The following KCTD3 variants were observed in gnomAD, a reference collection of about 807,000 sequenced individuals.
The protein encoded by KCTD3 is BTB/POZ domain-containing protein KCTD3.
Under a neutral mutation model 85.8 loss-of-function variants are expected in KCTD3, and 41 were observed. The ratio of observed to expected loss-of-function variants is 0.48; its 90% confidence interval spans 0.37 to 0.62. KCTD3 has a LOEUF of 0.62. KCTD3 is among the 20% of genes least tolerant of loss of function. The pLI is 0.00. For missense variants in KCTD3, 724 were observed against 989.9 expected (o/e 0.73, Z 3.60); for synonymous variants, 338 against 345.4 (o/e 0.98, Z 0.24).
rs761464024 is a variant in KCTD3 at position 215,578,979 on chromosome 1, G to A, written c.398-21G>A. 4 of 1,491,778 alleles carry A rather than the reference G, an allele frequency of 2.7e-6. No individual in the cohort carries two copies. In the East Asian group the frequency reaches 1.0e-4, roughly 38 times the overall value. The allele number at this position is 1,491,778 out of a possible 1,614,324, so 92.4% of individuals were successfully genotyped here. A position where few individuals can be genotyped will look rare whatever the true frequency, so the allele number is the denominator to read the frequency against. ...GAAAGGTGAACTTAGGAATGTATTTGTTTTCTTCTTCTCTTTATAGGTATT... is the reference window on the plus strand; with the variant it reads ...GAAAGGTGAACTTAGGAATGTATTTATTTTCTTCTTCTCTTTATAGGTATT... On this transcript the variant is annotated intron_variant, in intron 6 of 17. Transcript: ENST00000259154.
chr1:215,596,450 G>A (rs1660419546), intron 10 of KCTD3, among the ~76,000 whole-genome samples: 1 of 152,062 alleles, frequency 6.6e-6, no homozygotes, highest in Non-Finnish European at 1.5e-5. Flanking sequence ...CATTGAGTGG[G>A]TATATAGAAA....
intron 10 of KCTD3, among the ~76,000 whole-genome samples, chr1:215,596,014 C>T (rs949426773): frequency 6.6e-6 from 1 of 152,136 alleles, no homozygotes; most frequent in Non-Finnish European, 1.5e-5. Context: ...GAATTTACTA[C>T]AGCAATCCAG....
intron 7 of KCTD3, 103 bp from the exon 8 acceptor site, chr1:215,579,806 A>G: frequency 1.3e-6 from 1 of 778,054 alleles, no homozygotes; most frequent in Non-Finnish European, 2.2e-6. Flanking sequence ...CTCTTAACAA[A>G]ACTATTAACC....
chr1:215,584,150 A>G (rs1312704164), intron 8 of KCTD3, among the ~76,000 whole-genome samples: 1 of 152,214 alleles, frequency 6.6e-6, no homozygotes, highest in African/African-American at 2.4e-5. Flanking sequence ...TCTTCTGAAC[A>G]GCAGCCACAG....
intron 10 of KCTD3, among the ~76,000 whole-genome samples, chr1:215,596,333 G>T (rs566614959): frequency 2.8e-4 from 43 of 151,792 alleles, no homozygotes; most frequent in African/African-American, 8.5e-4. Flanking sequence ...AAGTGTAGAT[G>T]TTAAGTATAT....
chr1:215,578,973 G>GT (rs1324569261), intron 6 of KCTD3, 27 bp from the exon 7 acceptor site: 2 of 1,467,778 alleles, frequency 1.4e-6, no homozygotes, highest in African/African-American at 3.0e-5. Flanking sequence ...ACTTAGGAAT[G>GT]TATTTGTTTT....
intron 14 of KCTD3, among the ~76,000 whole-genome samples, chr1:215,609,832 ATTCTGTGGTATGAAGATATACCTGG>A (rs1020580415): frequency 4.3e-4 from 66 of 151,960 alleles, no homozygotes; most frequent in Non-Finnish European, 8.0e-4. Context: ...TATGGATACT[ATTCTGTGGTATGAAGATATACCTGG>A]TTCTGTGGTA....
chr1:215,567,873 C>T, intron 1 of KCTD3, 105 bp downstream of exon 1: 3 of 800,490 alleles, frequency 3.7e-6, no homozygotes, highest in Non-Finnish European at 5.1e-6. Flanking sequence ...GCGTGGGAGG[C>T]CAAGCCTGGA....
chr1:215,606,543 G>T (rs1655028126), intron 13 of KCTD3, among the ~76,000 whole-genome samples: 1 of 152,082 alleles, frequency 6.6e-6, no homozygotes. Flanking sequence ...AAGGGTTATT[G>T]TGATGTTTAG....
intron 10 of KCTD3, among the ~76,000 whole-genome samples, chr1:215,601,447 C>G (rs1261414630): frequency 6.6e-6 from 1 of 152,090 alleles, no homozygotes; most frequent in Non-Finnish European, 1.5e-5. Flanking sequence ...TTTACTAGTT[C>G]TGATTCTGTC....
At chr1:215,585,504 G>A (rs559595273) in intron 8 of KCTD3, among the ~76,000 whole-genome samples, 1 of 152,188 alleles carries the variant, frequency 6.6e-6, no homozygotes, top group South Asian at 2.1e-4. Context: ...TTTGCTTTTT[G>A]CAGCGAATGT....
At chr1:215,602,893 T>C (rs1654887943) in intron 12 of KCTD3, among the ~76,000 whole-genome samples, 1 of 152,210 alleles carries the variant, frequency 6.6e-6, no homozygotes, top group Non-Finnish European at 1.5e-5. Context: ...GAAAGAAATA[T>C]TCAAGAGTAT....
At chr1:215,583,443 C>T (rs922762110) in intron 8 of KCTD3, among the ~76,000 whole-genome samples, 11 of 152,166 alleles carry the variant, frequency 7.2e-5, no homozygotes, top group African/African-American at 1.9e-4. Flanking sequence ...GCAGTGAGGA[C>T]GACCAGAGGT....
chr1:215,576,769 C>T (rs1007140225), intron 4 of KCTD3, among the ~76,000 whole-genome samples: 5 of 151,750 alleles, frequency 3.3e-5, no homozygotes, highest in African/African-American at 7.3e-5. Flanking sequence ...GGGGTTTCAC[C>T]GTTTTAGTCA....
In KCTD3 at chr1:215,595,354, A is replaced by G. The variant is rs1207496238; in HGVS notation, c.818-2A>G. On this transcript the variant is annotated splice_acceptor_variant, in intron 9 of 17. Transcript: ENST00000259154. LOFTEE classifies it high-confidence loss of function. ...CCTTTTTATTTTTTATTGTCATTTA[A>G]GGAGTGTTCAGCCTGGGTGTTCCTG... 1.3e-6 allele frequency: 2 copies of G among 1,562,950 alleles called. No individual in the cohort carries two copies. The highest frequency in any genetic ancestry group is 1.8e-6 in the Non-Finnish European group (2 of 1,134,030).
chr1:215,610,953 CAT>C (rs1460327907), intron 14 of KCTD3, among the ~76,000 whole-genome samples: 2 of 151,824 alleles, frequency 1.3e-5, no homozygotes, highest in African/African-American at 2.4e-5. Flanking sequence ...ATTCATGTAA[CAT>C]AACGGGATAT....
intron 3 of KCTD3, among the ~76,000 whole-genome samples, chr1:215,575,079 C>G (rs1185602378): frequency 6.6e-6 from 1 of 152,018 alleles, no homozygotes; most frequent in Non-Finnish European, 1.5e-5. Context: ...TGGTGAAACC[C>G]CCTCTCTACT....
intron 10 of KCTD3, among the ~76,000 whole-genome samples, chr1:215,598,632 G>C (rs1654701767): frequency 6.6e-6 from 1 of 152,110 alleles, no homozygotes; most frequent in African/African-American, 2.4e-5. Flanking sequence ...GAAAGCTGCT[G>C]TATTGAAGGA....
At chr1:215,601,016 C>T (rs1571890762) in intron 10 of KCTD3, among the ~76,000 whole-genome samples, 1 of 152,234 alleles carries the variant, frequency 6.6e-6, no homozygotes, top group South Asian at 2.1e-4. Context: ...CCGCTCACCG[C>T]AACCTCTGCC....
Sources: allele counts gnomAD v4.1 joint callset (sites outside exome capture counted in the v4.1 genomes callset), GRCh38; gene constraint gnomAD v4.1.1; transcripts MANE v1.5; gene names NCBI Gene and HGNC (gene_info 2026-07-23, HGNC 2026-07-21).